Variants in PTPN5 observed in about 807,000 individuals in gnomAD.
The protein encoded by PTPN5 is tyrosine-protein phosphatase non-receptor type 5.
In PTPN5, 29 loss-of-function variants were observed where a neutral mutation model predicts 73.9. The observed-to-expected ratio is 0.39, with a 90% confidence interval of 0.29 to 0.54. The LOEUF (loss-of-function observed/expected upper bound fraction) is 0.54. Ranked by LOEUF, PTPN5 falls within the 20% of genes least tolerant of loss-of-function variation. The pLI is 0.65. For missense variants in PTPN5, 652 were observed against 751.4 expected, an observed-to-expected ratio of 0.87 and a Z score of 1.55; for synonymous variants, 267 against 304.7, an observed-to-expected ratio of 0.88 and a Z score of 1.29.
chr11:18,771,820 G>A, intron 2 of PTPN5, 119 bp downstream of exon 2: 1 of 828,682 alleles, frequency 1.2e-6, no homozygotes. Context: ...TCATGGAAAA[G>A]GAATGATCAG....
chr11:18,768,601 C>T (rs905772888), intron 2 of PTPN5, among the ~76,000 whole-genome samples: 3 of 152,208 alleles, frequency 2.0e-5, no homozygotes, highest in African/African-American at 7.2e-5. Flanking sequence ...TAGCTCAGTG[C>T]TTCATGTGTG....
At chr11:18,775,418 G>A (rs1851101455) in intron 1 of PTPN5, among the ~76,000 whole-genome samples, 1 of 152,218 alleles carries the variant, frequency 6.6e-6, no homozygotes, top group African/African-American at 2.4e-5. Flanking sequence ...ACGAGTGAAG[G>A]AGCAAGAGGG....
In PTPN5 at chr11:18,744,118, G is replaced by C; in HGVS notation, c.179C>G (p.Pro60Arg). 1 of 1,610,558 alleles carries C rather than the reference G, an allele frequency of 6.2e-7. No individual in the cohort carries two copies. Residue 60 changes from proline (P) to arginine (R), a missense_variant, in exon 4 of 15, where the codon CCT (proline) becomes CGT (arginine). By Grantham distance (103) the Pro-to-Arg change is moderately radical. Transcript: ENST00000358540. ...TGGATCTGAGGGCGGCGAGGGAGGAGGGGGTGGCGGCATCTCTCTCTGTGA... is the reference window on the plus strand; with the variant it reads ...TGGATCTGAGGGCGGCGAGGGAGGACGGGGTGGCGGCATCTCTCTCTGTGA... ...QDSQREMPPP[P>R]PPSPPSDPAQ...
rs1371612109 is a variant in PTPN5 at position 18,740,614 on chromosome 11, C to T, written c.904G>A (p.Ala302Thr). ...EKALDPFLLQAEFFEIPMNFV... is the reference protein window; with the variant it reads ...EKALDPFLLQTEFFEIPMNFV... ...TCAAGGGAACTCACAAAGAATTCCG[C>T]CTGCAGCAGGAAAGGGTCCAGGGCC... Residue 302 changes from alanine to threonine, a missense_variant, in exon 8 of 15, where the codon GCG becomes ACG. Coordinates refer to ENST00000358540, the MANE Select transcript of PTPN5 (RefSeq NM_006906.2). 1.3e-6 allele frequency: 2 copies of T among 1,568,248 alleles called. No homozygotes were observed. Among genetic ancestry groups the T allele is most frequent in the Non-Finnish European group, 1.7e-6 (2 of 1,156,638 alleles).
At chr11:18,787,119 A>T (rs987721750) in intron 1 of PTPN5, among the ~76,000 whole-genome samples, 6 of 152,232 alleles carry the variant, frequency 3.9e-5, no homozygotes, top group African/African-American at 1.4e-4. Flanking sequence ...TGTTTATAAT[A>T]TAAAGCCATA....
chr11:18,780,154 C>T (rs1851353273), intron 1 of PTPN5, among the ~76,000 whole-genome samples: 1 of 152,180 alleles, frequency 6.6e-6, no homozygotes, highest in South Asian at 2.1e-4. Context: ...GTCAGGTGTT[C>T]CTGGAGCTAA....
At chr11:18,732,842 A>G (rs1229429128) in intron 11 of PTPN5, 140 bp from the exon 12 acceptor site, 1 of 695,114 alleles carries the variant, frequency 1.4e-6, no homozygotes, top group African/African-American at 1.8e-5. Context: ...CTCAGCTGCA[A>G]ACTCTATAAG....
intron 2 of PTPN5, among the ~76,000 whole-genome samples, chr11:18,769,106 A>T (rs949786626): frequency 1.3e-5 from 2 of 152,222 alleles, no homozygotes; most frequent in South Asian, 2.1e-4. Context: ...GATGTCCCGG[A>T]GTGAAAGTAG....
At chr11:18,745,304 G>A (rs1393724853) in intron 3 of PTPN5, among the ~76,000 whole-genome samples, 5 of 152,338 alleles carry the variant, frequency 3.3e-5, no homozygotes, top group African/African-American at 1.2e-4. Flanking sequence ...CAGCATAGCC[G>A]TTTGTCCATG....
chr11:18,743,154 A>T, intron 5 of PTPN5, 79 bp from the exon 6 acceptor site: 1 of 1,262,686 alleles, frequency 7.9e-7, no homozygotes, highest in Non-Finnish European at 1.1e-6. Context: ...CAAAACCAAG[A>T]TTCTGAAAAT....
chr11:18,729,909 A>G lies in PTPN5; in HGVS notation c.1330-91T>C. Reference sequence around the variant, plus strand: ...AGATAGAGATGAGATGGAAGGAGGAAGAACACAGGAAGAACACTGAGAGTG... The same window carrying G: ...AGATAGAGATGAGATGGAAGGAGGAGGAACACAGGAAGAACACTGAGAGTG... On this transcript the variant is annotated intron_variant, in intron 12 of 14. Coordinates refer to ENST00000358540, the MANE Select transcript of PTPN5 (RefSeq NM_006906.2). The surrounding 1 kb of genome is among the most constrained non-coding windows in gnomAD (Gnocchi z 5.2). 4 of 1,527,558 alleles carry G rather than the reference A, an allele frequency of 2.6e-6. No individual in the cohort carries two copies. Among genetic ancestry groups the G allele is most frequent in the Non-Finnish European group, 3.6e-6 (4 of 1,103,790 alleles). The allele number at this position is 1,527,558 out of a possible 1,614,324, so 94.6% of individuals were successfully genotyped here.
chr11:18,735,713 C>A (rs192328690), intron 9 of PTPN5, among the ~76,000 whole-genome samples: 1 of 149,594 alleles, frequency 6.7e-6, no homozygotes, highest in Non-Finnish European at 1.5e-5. Flanking sequence ...TGCAGTGAGC[C>A]GAGACTGTGC....
chr11:18,759,530 G>A (rs1158689173), intron 3 of PTPN5, among the ~76,000 whole-genome samples: 2 of 152,188 alleles, frequency 1.3e-5, no homozygotes, highest in Non-Finnish European at 2.9e-5. Flanking sequence ...CACCTGGGAT[G>A]GTACTTCTTT....
intron 1 of PTPN5, among the ~76,000 whole-genome samples, chr11:18,773,154 C>T (rs1391143965): frequency 6.7e-6 from 1 of 149,364 alleles, no homozygotes; most frequent in East Asian, 1.9e-4. Flanking sequence ...GAATTTTTTC[C>T]TTTTCCCTCC....
rs775524451 is a variant in PTPN5 at position 18,749,469 on chromosome 11, G to A, written c.98-5270C>T. 1.7e-5 allele frequency: 9 copies of A among 515,380 alleles called. No individual in the cohort carries two copies. The East Asian group carries it at 4.9e-4, about 28-fold the overall frequency. The allele number at this position is 515,380 out of a possible 1,614,324, so 31.9% of individuals were successfully genotyped here. The stretch of plus-strand genomic sequence containing the variant: ...CTGCAGCAAGGCAGGGAGGTCCTAT[G>A]TCTGGGGTCGGGGGAGGGTGGGGGG... On this transcript the variant is annotated intron_variant, in intron 3 of 14. Transcript: ENST00000358540.
chr11:18,764,181 G>A (rs549073228), intron 3 of PTPN5, among the ~76,000 whole-genome samples: 22 of 152,254 alleles, frequency 1.4e-4, no homozygotes, highest in Non-Finnish European at 2.9e-4. Context: ...GACGGAACAC[G>A]CATTTCTTCC....
intron 1 of PTPN5, among the ~76,000 whole-genome samples, chr11:18,773,836 G>A (rs1851023916): frequency 6.6e-6 from 1 of 152,156 alleles, no homozygotes; most frequent in South Asian, 2.1e-4. Flanking sequence ...CCTAGCCTGG[G>A]ACTGCAGCTG....
intron 1 of PTPN5, among the ~76,000 whole-genome samples, chr11:18,782,349 T>G (rs1851475213): frequency 6.6e-6 from 1 of 151,942 alleles, no homozygotes; most frequent in Non-Finnish European, 1.5e-5. Flanking sequence ...TGCCTCAGCC[T>G]CCCGAGTAGC....
chr11:18,772,849 C>T (rs1850968044), intron 1 of PTPN5, among the ~76,000 whole-genome samples: 1 of 152,178 alleles, frequency 6.6e-6, no homozygotes, highest in South Asian at 2.1e-4. Context: ...AATGGTGACA[C>T]AGGTGACCCG....
Sources: gnomAD v4.1 joint callset for allele counts (sites outside exome capture counted in the v4.1 genomes callset) on GRCh38, gnomAD v4.1.1 for gene constraint, Gnocchi (gnomAD v3.1) non-coding constraint, MANE v1.5 for transcripts, NCBI Gene and HGNC (gene_info 2026-07-23, HGNC 2026-07-21) for gene names.